ATXN1: variants seen among roughly 807,000 people sequenced by gnomAD.
The protein encoded by ATXN1 is ataxin-1.
ATXN1 carries 8 observed loss-of-function variants against 56.4 expected under a neutral mutation model. The ratio of observed to expected loss-of-function variants is 0.14; its 90% confidence interval spans 0.08 to 0.26. ATXN1 has a LOEUF of 0.26. Ranked by LOEUF, ATXN1 falls within the 10% of genes least tolerant of loss-of-function variation. The pLI, the probability that ATXN1 is intolerant of heterozygous loss-of-function variation, is 1.00. For missense variants in ATXN1, 987 were observed against 1,106.5 expected (o/e 0.89, Z 1.53); for synonymous variants, 514 against 494.6 (o/e 1.04, Z -0.52).
At position 16,537,047 on chromosome 6, in the gene ATXN1, T is replaced by C. The variant is rs73724891; in HGVS notation, c.-360-14359A>G. The stretch of plus-strand genomic sequence containing the variant: ...GCCTTAGGAAATGTAAAATCTTTTT[T>C]TTTTTTTTGATAAGAGGTTTTTCTT... On this transcript the variant is annotated intron_variant, in intron 4 of 7. Transcript: ENST00000436367. Among the ~76,000 whole-genome samples the C allele has an allele frequency of 1.4e-3, 214 of 152,154 alleles. 1 individual carries two copies. Among genetic ancestry groups the C allele is most frequent in the African/African-American group, 4.8e-3 (200 of 41,498 alleles).
chr6:16,615,984 G>A (rs992967708), intron 3 of ATXN1: 1 of 151,986 alleles, frequency 6.6e-6, no homozygotes, highest in African/African-American at 2.4e-5. Flanking sequence ...AATGAGCCAA[G>A]ATCGTGCGCC....
chr6:16,394,660 T>C (rs1203422799), intron 6 of ATXN1, among the ~76,000 whole-genome samples: 8 of 152,212 alleles, frequency 5.3e-5, no homozygotes, highest in Admixed American at 5.2e-4. Context: ...TTAAGTCCTA[T>C]CTTTTAAGTA....
rs56277549 is a variant in ATXN1 at position 16,454,125 on chromosome 6, C to CAAAAAAAAAAAAAAAA, written c.-161+31831_-161+31846dup. On this transcript the variant is annotated intron_variant, in intron 6 of 7. Coordinates refer to ENST00000436367, the MANE Select transcript of ATXN1 (RefSeq NM_001128164.2). ...GGGCAATAAGAGCGAGACTCTGTCT[C>CAAAAAAAAAAAAAAAA]AAAAAAAAAAAAAAAAAAAAAAAAA... 1.3e-4 allele frequency among the ~76,000 whole-genome samples: 10 copies of CAAAAAAAAAAAAAAAA among 76,664 alleles called. 1 individual carries two copies. Among genetic ancestry groups the CAAAAAAAAAAAAAAAA allele is most frequent in the Non-Finnish European group, 1.6e-4 (7 of 44,012 alleles). 50.3% of individuals were successfully genotyped at this position (76,664 alleles called of 152,430 possible).
Position 16,328,004 on chromosome 6 carries a change from G to A in ATXN1, c.307C>T (p.Pro103Ser), listed in dbSNP as rs1237734956. Residue 103 changes from proline (P) to serine (S), a missense_variant, in exon 7 of 8, where the codon CCT (proline) becomes TCT (serine). This residue lies in a region of ATXN1 where 723 missense variants were observed against 791.7 expected (regional missense o/e 0.91). Coordinates refer to ENST00000436367, the MANE Select transcript of ATXN1 (RefSeq NM_001128164.2). This position sits in a 1 kb window ranked among gnomAD's most constrained non-coding sequence, Gnocchi z 6.2. The stretch of plus-strand genomic sequence containing the variant: ...GGCTGCGGGGTGGCGTACGCGGCAG[G>A]CAGCGTGGTGGCCACGGGGACAGAC... ...PRSVPVATTL[P>S]AAYATPQPGT... 5.6e-6 allele frequency: 9 copies of A among 1,613,718 alleles called. No individual in the cohort carries two copies. Among genetic ancestry groups the A allele is most frequent in the Non-Finnish European group, 7.6e-6 (9 of 1,179,794 alleles).
At chr6:16,547,737 G>A (rs1449907977) in intron 4 of ATXN1, among the ~76,000 whole-genome samples, 1 of 152,108 alleles carries the variant, frequency 6.6e-6, no homozygotes, top group Non-Finnish European at 1.5e-5. Context: ...TCTTTACACG[G>A]TAATAGCCTC....
chr6:16,427,479 C>A (rs1195456043), intron 6 of ATXN1, among the ~76,000 whole-genome samples: 1 of 152,212 alleles, frequency 6.6e-6, no homozygotes, highest in African/African-American at 2.4e-5. Flanking sequence ...AGGTTAAATG[C>A]ACTCACATGT....
chr6:16,396,375 C>T (rs965939904), intron 6 of ATXN1, among the ~76,000 whole-genome samples: 8 of 151,850 alleles, frequency 5.3e-5, no homozygotes, highest in African/African-American at 1.5e-4. Context: ...AGCCCGGGTG[C>T]GCGAAACCAG....
rs529808050 is a variant in ATXN1 at position 16,325,548 on chromosome 6, C to T, written c.1917+846G>A. Among the ~76,000 whole-genome samples the T allele has an allele frequency of 1.4e-4, 21 of 152,258 alleles. No individual in the cohort carries two copies. In the South Asian group the frequency reaches 4.4e-3, roughly 32 times the overall value. ...GTTTACCCTGCCTCCCATGAAACCA[C>T]AATAAAGGCTGTTGTTTGCCACATT... is the stretch of plus-strand genomic sequence containing the variant. On this transcript the variant is annotated intron_variant, in intron 7 of 7. Transcript: ENST00000436367.
intron 6 of ATXN1, among the ~76,000 whole-genome samples, chr6:16,416,666 C>A (rs1339798514): frequency 6.6e-6 from 1 of 152,206 alleles, no homozygotes; most frequent in Non-Finnish European, 1.5e-5. Flanking sequence ...CTTGCTCGTA[C>A]ACCCTAAACG....
Position 16,755,270 on chromosome 6 carries a change from T to C in ATXN1, c.-729-1923A>G, listed in dbSNP as rs1760852833. On this transcript the variant is annotated intron_variant, in intron 1 of 7. Transcript: ENST00000436367. ...ACTAGTTAGGATAATACAGAGAGTTTACATAACTTGTATTCCATCAGAGGG... is the reference window on the plus strand; with the variant it reads ...ACTAGTTAGGATAATACAGAGAGTTCACATAACTTGTATTCCATCAGAGGG... Among the ~76,000 whole-genome samples, 4 of 152,196 alleles carry C rather than the reference T, an allele frequency of 2.6e-5. No homozygotes were observed. The South Asian group carries it at 8.3e-4, about 31-fold the overall frequency.
At position 16,533,438 on chromosome 6, in the gene ATXN1, G is replaced by A. The variant is rs1369014383; in HGVS notation, c.-360-10750C>T. On this transcript the variant is annotated intron_variant, in intron 4 of 7. Transcript: ENST00000436367. ...AATCACTTGGACTAAAAAAGAATGT[G>A]AGAGCTCCTTTGATTCAGAGTGAGC... 2.6e-5 allele frequency among the ~76,000 whole-genome samples: 4 copies of A among 152,170 alleles called. 1 individual carries two copies. In the South Asian group the frequency reaches 6.2e-4, roughly 24 times the overall value.
intron 7 of ATXN1, among the ~76,000 whole-genome samples, chr6:16,310,534 GTGCAGTGGCGCGATCTCGGCTCAC>G (rs1750523465): frequency 6.6e-6 from 1 of 152,176 alleles, no homozygotes; most frequent in South Asian, 2.1e-4. Context: ...CCAGGCTGGA[GTGCAGTGGCGCGATCTCGGCTCAC>G]TGCAATCTCC....
chr6:16,440,648 A>AAAAAAAAAAAAAAAAAAAAAAGAAAG (rs748929817), intron 6 of ATXN1, among the ~76,000 whole-genome samples: 2,714 of 117,374 alleles, frequency 0.023, 158 homozygotes, highest in South Asian at 0.059. Context: ...CTTAAAAAAA[A>AAAAAAAAAAAAAAAAAAAAAAGAAAG]AAAAGAAAAG....
intron 3 of ATXN1, among the ~76,000 whole-genome samples, chr6:16,650,869 G>A (rs911493179): frequency 1.3e-5 from 2 of 152,202 alleles, no homozygotes; most frequent in Non-Finnish European, 2.9e-5. Context: ...ACAACAGCAT[G>A]TCAGAAATGC....
chr6:16,622,280 G>A (rs1327874725), intron 3 of ATXN1, among the ~76,000 whole-genome samples: 1 of 152,194 alleles, frequency 6.6e-6, no homozygotes. Flanking sequence ...CCTGAGGGAG[G>A]AACATGTTTG....
intron 6 of ATXN1, among the ~76,000 whole-genome samples, chr6:16,466,033 G>A (rs1283627136): frequency 1.3e-5 from 2 of 152,072 alleles, no homozygotes; most frequent in African/African-American, 4.8e-5. Flanking sequence ...AGTACTAAAT[G>A]TGGCCAGGCG....
intron 7 of ATXN1, among the ~76,000 whole-genome samples, chr6:16,316,974 A>C (rs1760528260): frequency 1.3e-5 from 2 of 148,498 alleles, no homozygotes; most frequent in South Asian, 4.3e-4. Context: ...TTACCGCCTA[A>C]CAGGCAGCTT....
chr6:16,407,579 GTACT>G (rs938410916), intron 6 of ATXN1, among the ~76,000 whole-genome samples: 1 of 152,226 alleles, frequency 6.6e-6, no homozygotes, highest in African/African-American at 2.4e-5. Context: ...ATATTAAAAG[GTACT>G]TATTTAGTTG....
At chr6:16,342,499 G>A (rs1761272788) in intron 6 of ATXN1, among the ~76,000 whole-genome samples, 1 of 152,098 alleles carries the variant, frequency 6.6e-6, no homozygotes, top group Admixed American at 6.5e-5. Flanking sequence ...ATTACCACAT[G>A]ACTCAGCAAT....
Sources: allele counts gnomAD v4.1 joint callset (sites outside exome capture counted in the v4.1 genomes callset), GRCh38; gene constraint gnomAD v4.1.1; regional missense constraint gnomAD v4.1.1; non-coding constraint Gnocchi (gnomAD v3.1); transcripts MANE v1.5; gene names NCBI Gene and HGNC (gene_info 2026-07-23, HGNC 2026-07-21).